UBE2E3: variants seen among roughly 807,000 people sequenced by gnomAD.
The protein encoded by UBE2E3 is ubiquitin-conjugating enzyme E2 E3.
A neutral mutation model predicts 23.6 loss-of-function variants in UBE2E3; 5 were observed. The ratio of observed to expected loss-of-function variants is 0.21; its 90% CI spans 0.11 to 0.44. UBE2E3 has a LOEUF of 0.44. UBE2E3 is among the 20% of genes least tolerant of loss of function. The probability of loss-of-function intolerance (pLI) is 0.99; values close to 1 mark genes in which losing one functional copy is unlikely to be tolerated. For synonymous variants in UBE2E3, 78 were observed against 87.5 expected (o/e 0.89, Z 0.60); for missense variants, 81 against 249.8 (o/e 0.32, Z 4.55).
chr2:181,053,984 A>G (rs1007867229), intron 3 of UBE2E3, among the ~76,000 whole-genome samples: 2 of 151,758 alleles, frequency 1.3e-5, no homozygotes, highest in African/African-American at 4.8e-5. Context: ...ACTTACTAAT[A>G]TGCATTTAAG....
intron 3 of UBE2E3, among the ~76,000 whole-genome samples, chr2:181,039,358 T>C (rs551934793): frequency 1.3e-5 from 2 of 152,158 alleles, no homozygotes; most frequent in Admixed American, 6.6e-5. Flanking sequence ...ACATTGAAAA[T>C]GTAATGAATA....
At chr2:180,994,910 G>C (rs928509257) in intron 3 of UBE2E3, among the ~76,000 whole-genome samples, 5 of 152,132 alleles carry the variant, frequency 3.3e-5, no homozygotes, top group Non-Finnish European at 5.9e-5. Flanking sequence ...GACCACACAT[G>C]GTGCCATTTG....
At chr2:181,003,463 C>G (rs1359080048) in intron 3 of UBE2E3, among the ~76,000 whole-genome samples, 1 of 141,822 alleles carries the variant, frequency 7.1e-6, no homozygotes, top group Non-Finnish European at 1.6e-5. Flanking sequence ...TGAAGAACTT[C>G]CAGGGGGGAT....
At chr2:181,037,078 T>C (rs1389261278) in intron 3 of UBE2E3, among the ~76,000 whole-genome samples, 1 of 152,218 alleles carries the variant, frequency 6.6e-6, no homozygotes, top group Non-Finnish European at 1.5e-5. Context: ...CAGAAGATTA[T>C]GATAGAGCTG....
At chr2:180,987,234 A>G (rs1179508704) in intron 3 of UBE2E3, 4 of 1,291,948 alleles carry the variant, frequency 3.1e-6, no homozygotes, top group Admixed American at 2.4e-5. Flanking sequence ...GAGTCAAGGG[A>G]AATTGTGTTA....
chr2:181,041,459 G>C (rs1453004196), intron 3 of UBE2E3, among the ~76,000 whole-genome samples: 1 of 140,380 alleles, frequency 7.1e-6, no homozygotes. Context: ...TTTTTTTTTT[G>C]AGATGGAGTC....
chr2:181,012,547 A>G (rs1278761741), intron 3 of UBE2E3, among the ~76,000 whole-genome samples: 4 of 152,188 alleles, frequency 2.6e-5, no homozygotes, highest in South Asian at 2.1e-4. Context: ...ACAACCACAC[A>G]TTGTCACATA....
chr2:181,044,827 T>G (rs998700543), intron 3 of UBE2E3, among the ~76,000 whole-genome samples: 1 of 152,146 alleles, frequency 6.6e-6, no homozygotes, highest in Non-Finnish European at 1.5e-5. Flanking sequence ...CTCCAGTAAT[T>G]GTTCAGTTCT....
intron 3 of UBE2E3, among the ~76,000 whole-genome samples, chr2:181,037,738 G>C (rs915706210): frequency 1.3e-5 from 2 of 152,102 alleles, no homozygotes; most frequent in Non-Finnish European, 2.9e-5. Context: ...GGAGGTTAAG[G>C]GGGGAGGATT....
At chr2:181,048,060 C>T (rs1686723389) in intron 3 of UBE2E3, among the ~76,000 whole-genome samples, 1 of 152,110 alleles carries the variant, frequency 6.6e-6, no homozygotes, top group African/African-American at 2.4e-5. Context: ...TTGAAGTCCT[C>T]TTTCCCAGCC....
intron 4 of UBE2E3, among the ~76,000 whole-genome samples, chr2:181,059,497 AC>A (rs1454580569): frequency 1.3e-5 from 2 of 151,748 alleles, no homozygotes; most frequent in Admixed American, 1.3e-4. Flanking sequence ...GCCACATAAA[AC>A]ATAAAACAAT....
rs148459179 is a variant in UBE2E3 at position 181,055,480 on chromosome 2, G to A, written c.246-2213G>A. Among the ~76,000 whole-genome samples, 695 of 151,636 alleles carry A rather than the reference G, an allele frequency of 4.6e-3. 6 individuals carry two copies. The highest frequency in any genetic ancestry group is 0.016 in the African/African-American group (652 of 41,416). On this transcript the variant is annotated intron_variant, in intron 3 of 5. Transcript: ENST00000410062. ...TGCCGTATGTTTTGACTAACAGATG[G>A]TACATTTATGAGAATGAAAAGAGGC...
At chr2:181,023,652 A>G (rs1685778656) in intron 3 of UBE2E3, among the ~76,000 whole-genome samples, 1 of 152,268 alleles carries the variant, frequency 6.6e-6, no homozygotes, top group South Asian at 2.1e-4. Context: ...TTCTGGGCAT[A>G]AAAATTGGGG....
At chr2:181,016,692 GC>G (rs1265193490) in intron 3 of UBE2E3, among the ~76,000 whole-genome samples, 2 of 152,080 alleles carry the variant, frequency 1.3e-5, no homozygotes, top group Non-Finnish European at 2.9e-5. Flanking sequence ...AACAACTGTC[GC>G]CCTATCAGTC....
chr2:181,038,613 C>G (rs948246550), intron 3 of UBE2E3, among the ~76,000 whole-genome samples: 1 of 152,256 alleles, frequency 6.6e-6, no homozygotes, highest in Middle Eastern at 3.4e-3. Flanking sequence ...GCAGGTGGAA[C>G]TTAAAGTAAA....
At chr2:180,992,796 G>A (rs1366241557) in intron 3 of UBE2E3, among the ~76,000 whole-genome samples, 2 of 152,024 alleles carry the variant, frequency 1.3e-5, no homozygotes, top group South Asian at 2.1e-4. Context: ...CGAGTAGCTG[G>A]GACTGTAGGC....
At chr2:181,044,004 GT>G (rs1371833673) in intron 3 of UBE2E3, among the ~76,000 whole-genome samples, 1 of 152,050 alleles carries the variant, frequency 6.6e-6, no homozygotes, top group African/African-American at 2.4e-5. Context: ...TCACGTCTCT[GT>G]TTTTTGTCCT....
chr2:180,987,239 G>A, intron 3 of UBE2E3: 1 of 1,307,586 alleles, frequency 7.6e-7, no homozygotes, highest in Non-Finnish European at 1.1e-6. Flanking sequence ...AAGGGAAATT[G>A]TGTTATGGGC....
intron 3 of UBE2E3, among the ~76,000 whole-genome samples, chr2:181,046,464 C>T (rs138329394): frequency 7.9e-5 from 12 of 152,126 alleles, no homozygotes; most frequent in African/African-American, 2.7e-4. Flanking sequence ...TGGGCTAGAG[C>T]TTGACACATT....
Sources: gnomAD v4.1 joint callset for allele counts (sites outside exome capture counted in the v4.1 genomes callset) on GRCh38, gnomAD v4.1.1 for gene constraint, MANE v1.5 for transcripts, NCBI Gene and HGNC (gene_info 2026-07-23, HGNC 2026-07-21) for gene names.